Variants in PTPRS observed in about 807,000 individuals in gnomAD.
PTPRS encodes receptor-type tyrosine-protein phosphatase S.
Under a neutral mutation model 215.3 loss-of-function variants are expected in PTPRS, and 63 were observed. The ratio of observed to expected loss-of-function variants is 0.29; its 90% CI spans 0.24 to 0.36. The LOEUF is 0.36. Ranked by LOEUF, PTPRS falls within the 10% of genes least tolerant of loss-of-function variation. The pLI is 1.00. For missense variants in PTPRS, 2,258 were observed against 2,825.8 expected (o/e 0.80, Z 4.56); for synonymous variants, 1,404 against 1,191.4 (o/e 1.18, Z -3.68).
Position 5,223,014 on chromosome 19 carries a change from G to C in PTPRS, c.2778C>G (p.Asp926Glu), listed in dbSNP as rs956514858. ...EAAEVLSIPEDTPRGHPQILE... is the reference protein window; with the variant it reads ...EAAEVLSIPEETPRGHPQILE... ...GAATCTGCGGGTGGCCACGGGGCGTGTCCTCCGGGATGCTCAGGACCTCGG... is the reference window on the plus strand; with the variant it reads ...GAATCTGCGGGTGGCCACGGGGCGTCTCCTCCGGGATGCTCAGGACCTCGG... Residue 926 changes from aspartate (D) to glutamate (E), a missense_variant, in exon 18 of 38, where the codon GAC becomes GAG. Physicochemically the swap from Asp to Glu is conservative, Grantham distance 45. Around this residue, in one of 6 missense-constraint regions of PTPRS, gnomAD observed 361 missense variants for 332.6 expected, o/e 1.09. Transcript: ENST00000262963. The C allele has an allele frequency of 6.5e-7, 1 of 1,543,484 alleles. No homozygotes were observed. Among genetic ancestry groups the C allele is most frequent in the Non-Finnish European group, 8.7e-7 (1 of 1,146,776 alleles).
intron 5 of PTPRS, among the ~76,000 whole-genome samples, chr19:5,263,484 A>G (rs758082780): frequency 8.5e-5 from 13 of 152,060 alleles, no homozygotes; most frequent in Non-Finnish European, 1.6e-4. Context: ...TCGGGGAGGT[A>G]CTGCTGCAAA....
chr19:5,221,663 G>T (rs2041990153), intron 19 of PTPRS, among the ~76,000 whole-genome samples: 1 of 152,086 alleles, frequency 6.6e-6, no homozygotes, highest in African/African-American at 2.4e-5. Flanking sequence ...CCTGATCTCA[G>T]ACTGAACCTC....
At position 5,222,693 on chromosome 19, in the gene PTPRS, G is replaced by A. The variant is rs1351187602; in HGVS notation, c.3099C>T (p.Asp1033=). 1.3e-6 allele frequency: 2 copies of A among 1,584,072 alleles called. No individual in the cohort carries two copies. Among genetic ancestry groups the A allele is most frequent in the Admixed American group, 1.7e-5 (1 of 58,092 alleles). Residue 1033 remains aspartate (D), a synonymous_variant, in exon 18 of 38, where the codon GAC becomes GAT. Transcript: ENST00000262963. ...CAGGGGTCGCCGCGCGCCTACCTTG[G>A]TCCCGCAGGAACGTCCGGTAGCGGA... The part of the protein sequence containing the change: ...PPVRYRTFLR[D]QVSPKNFKVK...
At chr19:5,229,444 TC>T in intron 15 of PTPRS, 46 bp downstream of exon 15, 2 of 1,372,476 alleles carry the variant, frequency 1.5e-6, no homozygotes, top group East Asian at 3.1e-5. Flanking sequence ...CAAGGGCCCG[TC>T]CCCGCCCGGA....
At chr19:5,332,674 G>A (rs529953017) in intron 1 of PTPRS, among the ~76,000 whole-genome samples, 13 of 152,302 alleles carry the variant, frequency 8.5e-5, no homozygotes, top group South Asian at 8.3e-4. Flanking sequence ...ATCCTCCTGC[G>A]CAAGGCCCAG....
At chr19:5,240,453 A>T (rs558731500) in intron 11 of PTPRS, 121 bp from the exon 12 acceptor site, 4 of 1,055,124 alleles carry the variant, frequency 3.8e-6, no homozygotes, top group Non-Finnish European at 2.5e-6. Context: ...ATGTTCTTTT[A>T]TTTTCCTGGG....
At chr19:5,208,656 C>T (rs2040589666) in intron 35 of PTPRS, among the ~76,000 whole-genome samples, 1 of 152,084 alleles carries the variant, frequency 6.6e-6, no homozygotes, top group Admixed American at 6.5e-5. Context: ...CCCTCACCCC[C>T]ATTTTGTACA....
At chr19:5,281,079 G>A (rs1047245943) in intron 2 of PTPRS, among the ~76,000 whole-genome samples, 5 of 151,768 alleles carry the variant, frequency 3.3e-5, no homozygotes, top group Non-Finnish European at 7.4e-5. Context: ...GGTATGAGGC[G>A]CCGCGCCTGG....
chr19:5,251,732 G>A (rs1302830462), intron 9 of PTPRS, among the ~76,000 whole-genome samples: 5 of 152,078 alleles, frequency 3.3e-5, no homozygotes, highest in African/African-American at 7.2e-5. Flanking sequence ...ATGGAGGGAC[G>A]CCTGCCTTCC....
At position 5,252,574 on chromosome 19, in the gene PTPRS, C is replaced by CA. The variant is rs56215560; in HGVS notation, c.718+3533dup. Among the ~76,000 whole-genome samples the CA allele has an allele frequency of 7.9e-3, 524 of 66,714 alleles. 8 individuals carry two copies. In the East Asian group the frequency reaches 0.08, roughly 10 times the overall value. The allele number at this position is 66,714 out of a possible 152,430, so 43.8% of individuals were successfully genotyped here. ...CCTGGGCAACACAGTGAGATTCTGT[C>CA]AAAAAAAAAAAAAAAAAAAAAAAGG... On this transcript the variant is annotated intron_variant, in intron 9 of 37. Coordinates refer to ENST00000262963, the MANE Select transcript of PTPRS (RefSeq NM_002850.4).
At chr19:5,223,363 G>A in intron 17 of PTPRS, 66 bp from the exon 18 acceptor site, 1 of 1,387,308 alleles carries the variant, frequency 7.2e-7, no homozygotes, top group South Asian at 1.7e-5. Flanking sequence ...CACAAGGTGG[G>A]GTTGTATTTT....
intron 25 of PTPRS, among the ~76,000 whole-genome samples, chr19:5,218,025 A>C (rs746273098): frequency 6.6e-6 from 1 of 152,124 alleles, no homozygotes; most frequent in Non-Finnish European, 1.5e-5. Context: ...AGTGTGGAAA[A>C]TGGCTGAGGG....
chr19:5,242,620 C>G (rs1443255797), intron 11 of PTPRS, among the ~76,000 whole-genome samples: 1 of 151,568 alleles, frequency 6.6e-6, no homozygotes, highest in Non-Finnish European at 1.5e-5. Flanking sequence ...CTCAGGTGAT[C>G]CACCCGCCTC....
chr19:5,222,978 G>A lies in PTPRS; in HGVS notation c.2814C>T (p.Ala938=), dbSNP rs1007774029. Reference sequence around the variant, plus strand: ...GGACGGTCCCGGCCGAGGCGTTGCCGGCCGCCTCCAGAATCTGCGGGTGGC... The same window carrying A: ...GGACGGTCCCGGCCGAGGCGTTGCCAGCCGCCTCCAGAATCTGCGGGTGGC... ...PRGHPQILEA[A]GNASAGTVLL... is the part of the protein sequence containing the mutation. The change falls in exon 18 of 38, where the codon GCC becomes GCT. Residue 938 remains alanine (A), a synonymous_variant. Transcript: ENST00000262963. 284 of 1,541,084 alleles carry A rather than the reference G, an allele frequency of 1.8e-4. No individual in the cohort carries two copies. Among genetic ancestry groups the A allele is most frequent in the Non-Finnish European group, 2.3e-4 (261 of 1,147,758 alleles).
chr19:5,210,856 G>C lies in PTPRS; in HGVS notation c.5235-51C>G. The C allele has an allele frequency of 1.3e-6, 2 of 1,587,584 alleles. No homozygotes were observed. The highest frequency in any genetic ancestry group is 1.7e-4 in the Middle Eastern group (1 of 5,962). ...AGGGCCGGCAGGGAGACCCGGCGTG[G>C]TACTCACCTGATGCTGCCCGGGAGG... On this transcript the variant is annotated intron_variant, in intron 33 of 37. Coordinates refer to ENST00000262963, the MANE Select transcript of PTPRS (RefSeq NM_002850.4). The surrounding 1 kb of genome is among the most constrained non-coding windows in gnomAD (Gnocchi z 4.5).
intron 1 of PTPRS, among the ~76,000 whole-genome samples, chr19:5,305,936 T>C (rs1192704405): frequency 8.9e-5 from 1 of 11,296 alleles, no homozygotes; most frequent in African/African-American, 1.6e-3. Context: ...CAAGACTCCG[T>C]CTCAAAAAAA....
intron 1 of PTPRS, among the ~76,000 whole-genome samples, chr19:5,317,364 C>T (rs1243459531): frequency 6.6e-6 from 1 of 152,080 alleles, no homozygotes; most frequent in South Asian, 2.1e-4. Flanking sequence ...CCCAACTACT[C>T]GGGAGGCTGA....
rs1322123504 is a variant in PTPRS at position 5,294,756 on chromosome 19, A to T, written c.-94-8522T>A. On this transcript the variant is annotated intron_variant, in intron 1 of 37. Coordinates refer to ENST00000262963, the MANE Select transcript of PTPRS (RefSeq NM_002850.4). This position sits in a 1 kb window ranked among gnomAD's most constrained non-coding sequence, Gnocchi z 5.1. ...CATGGAATCGCCCCGCCCCATCTCC[A>T]ACAATAGGTGGCCTAGTCCACAAAG... 6.6e-6 allele frequency: 1 copy of T among 152,196 alleles called. No individual in the cohort carries two copies. The highest frequency in any genetic ancestry group is 1.5e-5 in the Non-Finnish European group (1 of 68,026). 9.4% of individuals were successfully genotyped at this position (152,196 alleles called of 1,614,324 possible). A position where few individuals can be genotyped will look rare whatever the true frequency, so the allele number is the denominator to read the frequency against.
intron 7 of PTPRS, among the ~76,000 whole-genome samples, chr19:5,260,362 T>G (rs2045891871): frequency 6.6e-6 from 1 of 151,964 alleles, no homozygotes; most frequent in Non-Finnish European, 1.5e-5. Context: ...GTGTTTTTAG[T>G]AGAGATGGGG....
Sources: allele counts gnomAD v4.1 joint callset (sites outside exome capture counted in the v4.1 genomes callset), GRCh38; gene constraint gnomAD v4.1.1; regional missense constraint gnomAD v4.1.1; non-coding constraint Gnocchi (gnomAD v3.1); transcripts MANE v1.5; gene names NCBI Gene and HGNC (gene_info 2026-07-23, HGNC 2026-07-21).